The following TDRD3 variants were observed in gnomAD, a reference collection of about 807,000 sequenced individuals.
TDRD3 encodes tudor domain-containing protein 3.
Under a neutral mutation model 86.7 loss-of-function variants are expected in TDRD3, and 45 were observed. That is an observed-to-expected ratio of 0.52 (90% CI 0.41 to 0.67). The LOEUF (loss-of-function observed/expected upper bound fraction) is 0.67. Ranked by LOEUF, TDRD3 falls within the 30% of genes least tolerant of loss-of-function variation. The pLI is 0.00. For synonymous variants in TDRD3, 298 were observed against 301.7 expected, an observed-to-expected ratio of 0.99 and a Z score of 0.13; for missense variants, 814 against 889.0, an observed-to-expected ratio of 0.92 and a Z score of 1.07.
At chr13:60,493,333 G>T (rs1256323722) in intron 7 of TDRD3, among the ~76,000 whole-genome samples, 3 of 151,946 alleles carry the variant, frequency 2.0e-5, no homozygotes, top group Non-Finnish European at 4.4e-5. Context: ...AATAAAAATT[G>T]TTTTAGCTTC....
At chr13:60,473,979 G>A (rs1230258143) in intron 5 of TDRD3, among the ~76,000 whole-genome samples, 1 of 152,130 alleles carries the variant, frequency 6.6e-6, no homozygotes, top group Non-Finnish European at 1.5e-5. Flanking sequence ...CTTGTGAAAG[G>A]CCTGACTGAT....
chr13:60,532,415 G>A (rs1286008187), intron 11 of TDRD3, among the ~76,000 whole-genome samples: 1 of 152,188 alleles, frequency 6.6e-6, no homozygotes, highest in Non-Finnish European at 1.5e-5. Context: ...CTGTGAAAGA[G>A]ATGGAATTAG....
intron 10 of TDRD3, among the ~76,000 whole-genome samples, chr13:60,528,017 C>A (rs967669292): frequency 6.6e-6 from 1 of 152,136 alleles, no homozygotes; most frequent in Non-Finnish European, 1.5e-5. Flanking sequence ...AGTTTCATAG[C>A]AGTTTCTGAG....
At chr13:60,571,785 A>C (rs1958591439) in intron 13 of TDRD3, among the ~76,000 whole-genome samples, 1 of 152,064 alleles carries the variant, frequency 6.6e-6, no homozygotes, top group Non-Finnish European at 1.5e-5. Flanking sequence ...ACTGGATTCC[A>C]CTTGAGCCAA....
intron 10 of TDRD3, among the ~76,000 whole-genome samples, chr13:60,516,548 C>T (rs1957173956): frequency 1.3e-5 from 2 of 152,074 alleles, no homozygotes; most frequent in Admixed American, 6.6e-5. Context: ...CAACTAATTC[C>T]ACCACTAAAC....
rs762973221 is a variant in TDRD3 at position 60,483,788 on chromosome 13, A to G, written c.509A>G (p.His170Arg). ...KWELQRSLSK[H>R]NRSNIGTEGG... is the part of the protein sequence containing the mutation. Reference sequence around the variant, plus strand: ...TTTTTTCCGCAGAGCTTATCAAAACACAATAGAAGCAATATTGGAACTGAA... The same window carrying G: ...TTTTTTCCGCAGAGCTTATCAAAACGCAATAGAAGCAATATTGGAACTGAA... The change falls in exon 6 of 14, where the codon CAC (histidine) becomes CGC (arginine). Residue 170 changes from histidine to arginine, a missense_variant. Coordinates refer to ENST00000377881, the MANE Select transcript of TDRD3 (RefSeq NM_001146070.2). 63 of 1,611,818 alleles carry G rather than the reference A, an allele frequency of 3.9e-5. No homozygotes were observed. The highest frequency in any genetic ancestry group is 5.2e-5 in the Non-Finnish European group (61 of 1,178,934).
chr13:60,412,158 T>C (rs1032435835), intron 1 of TDRD3, among the ~76,000 whole-genome samples: 2 of 152,238 alleles, frequency 1.3e-5, no homozygotes, highest in Non-Finnish European at 2.9e-5. Flanking sequence ...TCCAAAAGTT[T>C]CTGTACATAT....
rs758824807 is a variant in TDRD3 at position 60,567,566 on chromosome 13, G to C, written c.2160G>C (p.Arg720Ser). Residue 720 changes from arginine (R) to serine (S), a missense_variant, in exon 13 of 14, where the codon AGG becomes AGC. Arg to Ser is a moderately radical substitution (Grantham distance 110). Transcript: ENST00000377881. ...ACGATCAAACTCTGGAGTTCCGTAGGGGAGGTGATGGCCAGCCAAGACGAT... is the reference window on the plus strand; with the variant it reads ...ACGATCAAACTCTGGAGTTCCGTAGCGGAGGTGATGGCCAGCCAAGACGAT... ...GTYDQTLEFR[R>S]GGDGQPRRST... The C allele has an allele frequency of 6.2e-7, 1 of 1,614,126 alleles. No homozygotes were observed. The highest frequency in any genetic ancestry group is 8.5e-7 in the Non-Finnish European group (1 of 1,180,016).
chr13:60,531,210 C>T (rs1425314381), intron 11 of TDRD3, among the ~76,000 whole-genome samples: 1 of 152,180 alleles, frequency 6.6e-6, no homozygotes, highest in African/African-American at 2.4e-5. Flanking sequence ...TTTCACATGG[C>T]CACTTCCTGG....
chr13:60,509,721 A>T (rs1957017107), intron 8 of TDRD3, 42 bp from the exon 9 acceptor site: 6 of 1,612,152 alleles, frequency 3.7e-6, no homozygotes, highest in Non-Finnish European at 5.1e-6. Context: ...GCCTTGCCTT[A>T]TCTGTGGGCT....
rs776943144 is a variant in TDRD3 at position 60,528,838 on chromosome 13, G to A, written c.1613G>A (p.Ser538Asn). Residue 538 changes from serine (S) to asparagine (N), a missense_variant, in exon 11 of 14, where the codon AGC becomes AAC. Physicochemically the swap from Ser to Asn is conservative, Grantham distance 46 (BLOSUM62 1). Transcript: ENST00000377881. ...YNNQKRGKRE[S>N]QTSIPDYFYD... ...AATCAAAAACGTGGAAAAAGAGAAA[G>A]CCAAACATCTATTCCTGATTATTTT... 2.5e-6 allele frequency: 4 copies of A among 1,613,648 alleles called. No individual in the cohort carries two copies. The highest frequency in any genetic ancestry group is 3.4e-6 in the Non-Finnish European group (4 of 1,179,860).
intron 3 of TDRD3, among the ~76,000 whole-genome samples, chr13:60,445,712 T>TACAAGAAA (rs1374189533): frequency 2.0e-5 from 3 of 152,222 alleles, no homozygotes; most frequent in African/African-American, 7.2e-5. Flanking sequence ...CTTAGAAAAG[T>TACAAGAAA]AGGCAACAAT....
chr13:60,563,637 C>T (rs1028958443), intron 12 of TDRD3, among the ~76,000 whole-genome samples: 12 of 152,162 alleles, frequency 7.9e-5, no homozygotes, highest in African/African-American at 2.9e-4. Flanking sequence ...GGCTGATGCC[C>T]CCAGCCGAGG....
chr13:60,397,529 C>A (rs931872168), intron 1 of TDRD3, 124 bp downstream of exon 1: 1 of 738,082 alleles, frequency 1.4e-6, no homozygotes, highest in African/African-American at 1.8e-5. Flanking sequence ...CCCGGCCTCT[C>A]CCCGGGCCCT....
At position 60,529,013 on chromosome 13, in the gene TDRD3, A is replaced by G. The variant is rs767779245; in HGVS notation, c.1788A>G (p.Lys596=). Residue 596 remains lysine (K), a synonymous_variant, in exon 11 of 14, where the codon AAA becomes AAG. Transcript: ENST00000377881. ...ATGGAGAAGTAGAAATGCCACTGAA[A>G]GGAAGACGAATAGGACCTATTAAGC... The part of the protein sequence containing the change: ...VPNGEVEMPL[K]GRRIGPIKPA... 3.7e-6 allele frequency: 6 copies of G among 1,614,090 alleles called. No individual in the cohort carries two copies. In the South Asian group the frequency reaches 5.5e-5, roughly 15 times the overall value.
chr13:60,541,193 G>A (rs1383500626), intron 12 of TDRD3, among the ~76,000 whole-genome samples: 3 of 148,646 alleles, frequency 2.0e-5, no homozygotes, highest in African/African-American at 7.4e-5. Flanking sequence ...TTGAGACGGA[G>A]CCTTGCTCTT....
intron 8 of TDRD3, among the ~76,000 whole-genome samples, chr13:60,498,724 T>C (rs1000242776): frequency 6.6e-6 from 1 of 152,146 alleles, no homozygotes; most frequent in Non-Finnish European, 1.5e-5. Flanking sequence ...CTTTCTTCTA[T>C]CCTTCCCCAA....
intron 1 of TDRD3, among the ~76,000 whole-genome samples, chr13:60,410,417 G>C (rs527761035): frequency 6.6e-6 from 1 of 152,244 alleles, no homozygotes; most frequent in East Asian, 1.9e-4. Flanking sequence ...TTGCAATTAT[G>C]AGCACCAAAA....
intron 12 of TDRD3, among the ~76,000 whole-genome samples, chr13:60,558,964 CT>C (rs562728723): frequency 0.12 from 16,276 of 131,338 alleles, 785 homozygotes; most frequent in South Asian, 0.26. Context: ...GACATTTTTG[CT>C]TTTTTTTTTT....
Sources: allele counts gnomAD v4.1 joint callset (sites outside exome capture counted in the v4.1 genomes callset), GRCh38; gene constraint gnomAD v4.1.1; transcripts MANE v1.5; gene names NCBI Gene and HGNC (gene_info 2026-07-23, HGNC 2026-07-21).